Variants in CHRNA1 observed in about 807,000 individuals in gnomAD.
CHRNA1 encodes the protein acetylcholine receptor subunit alpha.
In CHRNA1, 35 loss-of-function variants were observed where a neutral mutation model predicts 47.1. The observed-to-expected ratio is 0.74, with a 90% CI of 0.57 to 0.99. The LOEUF is 0.99. Ranked by LOEUF, CHRNA1 falls within the 50% of genes least tolerant of loss-of-function variation. The pLI, the probability that CHRNA1 is intolerant of heterozygous loss-of-function variation, is 0.00. For synonymous variants in CHRNA1, 229 were observed against 223.6 expected, an observed-to-expected ratio of 1.02 and a Z score of -0.22; for missense variants, 506 against 591.1, an observed-to-expected ratio of 0.86 and a Z score of 1.49.
chr2:174,752,352 T>C (rs1683871582), intron 6 of CHRNA1, among the ~76,000 whole-genome samples: 1 of 152,166 alleles, frequency 6.6e-6, no homozygotes, highest in African/African-American at 2.4e-5. Flanking sequence ...AGGCAGATCT[T>C]TGAGCCCAGG....
In CHRNA1 at chr2:174,759,317, T is replaced by A; in HGVS notation, c.234+14A>T. The A allele has an allele frequency of 6.2e-7, 1 of 1,614,002 alleles. No individual in the cohort carries two copies. Among genetic ancestry groups the A allele is most frequent in the Non-Finnish European group, 8.5e-7 (1 of 1,179,866 alleles). ...AATGAAAACGACACACATGCAATTA[T>A]CTGGCTAAGTTACCTGTTTCAGACG... On this transcript the variant is annotated intron_variant, in intron 3 of 8. Coordinates refer to ENST00000348749, the MANE Select transcript of CHRNA1 (RefSeq NM_000079.4).
chr2:174,754,939 G>T (rs1292636940), intron 4 of CHRNA1, among the ~76,000 whole-genome samples: 1 of 144,804 alleles, frequency 6.9e-6, no homozygotes, highest in African/African-American at 2.6e-5. Context: ...AGGCTGGAGT[G>T]CAATGGTGCA....
intron 6 of CHRNA1, chr2:174,752,625 G>A (rs1008490797): frequency 1.3e-5 from 2 of 152,168 alleles, no homozygotes; most frequent in Non-Finnish European, 2.9e-5. Context: ...GCACTCTGAG[G>A]GGTGAGGCAC....
intron 6 of CHRNA1, among the ~76,000 whole-genome samples, chr2:174,751,585 TTAA>T (rs1386395319): frequency 5.3e-5 from 8 of 152,162 alleles, no homozygotes; most frequent in Admixed American, 3.3e-4. Flanking sequence ...AATTTGTTGA[TTAA>T]TAATAATGAT....
In CHRNA1 at chr2:174,754,398, C is replaced by T. The variant is rs1419364118; in HGVS notation, c.361G>A (p.Ala121Thr). ...AGCACTTTGGTGAACTTGACAATAG[C>T]AAAGTCACCATCTGCACTACAATTG... is the stretch of plus-strand genomic sequence containing the variant. ...VLYNNADGDF[A>T]IVKFTKVLLQ... The change falls in exon 5 of 9, where the codon GCT becomes ACT. Residue 121 changes from alanine (A) to threonine (T), a missense_variant. Transcript: ENST00000348749. The T allele has an allele frequency of 4.3e-6, 7 of 1,613,952 alleles. No individual in the cohort carries two copies. Among genetic ancestry groups the T allele is most frequent in the Middle Eastern group, 1.7e-4 (1 of 6,040 alleles).
intron 1 of CHRNA1, among the ~76,000 whole-genome samples, chr2:174,763,328 G>GCACACA (rs754957112): frequency 0.023 from 2,747 of 121,456 alleles, 43 homozygotes; most frequent in African/African-American, 0.049. Context: ...GTGCACGCGC[G>GCACACA]CGCACACACA....
chr2:174,754,437 A>T (rs761977869), intron 4 of CHRNA1, 23 bp from the exon 5 acceptor site: 9 of 1,609,570 alleles, frequency 5.6e-6, no homozygotes, highest in Non-Finnish European at 7.6e-6. Context: ...TAAAAGAGGA[A>T]AATGGCTCCA....
At position 174,754,435 on chromosome 2, in the gene CHRNA1, G is replaced by A. The variant is rs539171633; in HGVS notation, c.345-21C>T. The A allele has an allele frequency of 1.9e-6, 3 of 1,610,736 alleles. No individual in the cohort carries two copies. The South Asian group carries it at 3.3e-5, about 18-fold the overall frequency. On this transcript the variant is annotated intron_variant, in intron 4 of 8. Transcript: ENST00000348749. ...CTGCACTACAATTGGGATAAAAGAG[G>A]AAAATGGCTCCAAGTGACAGATGAG...
chr2:174,749,307 C>G (rs1683800467), intron 7 of CHRNA1, among the ~76,000 whole-genome samples: 1 of 146,296 alleles, frequency 6.8e-6, no homozygotes, highest in African/African-American at 2.8e-5. Flanking sequence ...AACAGGGACT[C>G]TTACTCTCCT....
chr2:174,749,937 C>T lies in CHRNA1; in HGVS notation c.1002+9G>A, dbSNP rs368959759. The T allele has an allele frequency of 9.1e-5, 147 of 1,612,602 alleles. 1 individual carries two copies. The highest frequency in any genetic ancestry group is 1.7e-4 in the Middle Eastern group (1 of 5,930). ...TCCGTGTGAAGTCTGCAGGGGCCTC[C>T]CCACTCACCTTCCGCACCCAGTTGG... On this transcript the variant is annotated intron_variant, in intron 7 of 8. Coordinates refer to ENST00000348749, the MANE Select transcript of CHRNA1 (RefSeq NM_000079.4).
At chr2:174,760,576 C>T (rs997788190) in intron 1 of CHRNA1, among the ~76,000 whole-genome samples, 8 of 152,214 alleles carry the variant, frequency 5.3e-5, no homozygotes, top group African/African-American at 1.9e-4. Flanking sequence ...GGTGGGACTC[C>T]TTAATGTGCT....
chr2:174,755,904 G>T (rs1683973247), intron 4 of CHRNA1, among the ~76,000 whole-genome samples: 1 of 152,044 alleles, frequency 6.6e-6, no homozygotes, highest in African/African-American at 2.4e-5. Flanking sequence ...AGGCATGGTG[G>T]TACACACCAG....
At chr2:174,748,962 C>G (rs533690292) in intron 7 of CHRNA1, 143 bp from the exon 8 acceptor site, 2 of 1,109,610 alleles carry the variant, frequency 1.8e-6, no homozygotes, top group Admixed American at 2.4e-5. Context: ...AACAAAAGAA[C>G]TATACTAGAT....
rs748797143 is a variant in CHRNA1 at position 174,750,177 on chromosome 2, G to C, written c.779-8C>G. On this transcript the variant is annotated splice_region_variant and splice_polypyrimidine_tract_variant and intron_variant, in intron 6 of 8. Coordinates refer to ENST00000348749, the MANE Select transcript of CHRNA1 (RefSeq NM_000079.4). ...TCAGAGTCATCTTCTCCCCTGAAAA[G>C]ACCAAAAAAAAAAAAAAAAATCCCA... 2 of 1,296,542 alleles carry C rather than the reference G, an allele frequency of 1.5e-6. No homozygotes were observed. The highest frequency in any genetic ancestry group is 2.0e-6 in the Non-Finnish European group (2 of 1,001,020). 80.3% of individuals were successfully genotyped at this position (1,296,542 alleles called of 1,614,324 possible).
rs746673907 is a variant in CHRNA1 at position 174,757,945 on chromosome 2, C to A, written c.235-270G>T. 141 of 1,487,042 alleles carry A rather than the reference C, an allele frequency of 9.5e-5. No homozygotes were observed. The highest frequency in any genetic ancestry group is 1.7e-4 in the Middle Eastern group (1 of 5,836). 92.1% of individuals were successfully genotyped at this position (1,487,042 alleles called of 1,614,324 possible). The stretch of plus-strand genomic sequence containing the variant: ...CCCGTGAGGGGAGGGTGATTACTGA[C>A]CTCATTCTGCAGATGAGAAAACAAA... On this transcript the variant is annotated intron_variant, in intron 3 of 8. Transcript: ENST00000348749.
intron 4 of CHRNA1, among the ~76,000 whole-genome samples, chr2:174,755,301 GC>G (rs1173928224): frequency 6.6e-6 from 1 of 152,134 alleles, no homozygotes. Flanking sequence ...TGAACAGAGC[GC>G]CCCTCTCTCC....
chr2:174,761,157 T>C (rs1213320179), intron 1 of CHRNA1, among the ~76,000 whole-genome samples: 2 of 152,190 alleles, frequency 1.3e-5, no homozygotes, highest in Non-Finnish European at 2.9e-5. Flanking sequence ...CCACTATTCC[T>C]ATGAGAAAAT....
At chr2:174,754,985 A>G (rs1417365036) in intron 4 of CHRNA1, among the ~76,000 whole-genome samples, 1 of 149,040 alleles carries the variant, frequency 6.7e-6, no homozygotes, top group Non-Finnish European at 1.5e-5. Flanking sequence ...TCCCGGGCTC[A>G]AGCAATTCTC....
At chr2:174,760,987 T>C (rs1257415287) in intron 1 of CHRNA1, among the ~76,000 whole-genome samples, 1 of 152,162 alleles carries the variant, frequency 6.6e-6, no homozygotes, top group Non-Finnish European at 1.5e-5. Flanking sequence ...CAGACATTCT[T>C]ACCTGAGATT....
Sources: allele counts gnomAD v4.1 joint callset (sites outside exome capture counted in the v4.1 genomes callset), GRCh38; gene constraint gnomAD v4.1.1; transcripts MANE v1.5; gene names NCBI Gene and HGNC (gene_info 2026-07-23, HGNC 2026-07-21).